CNTRL: variants seen among roughly 807,000 people sequenced by gnomAD.
The protein encoded by CNTRL is centriolin.
Under a neutral mutation model 303.7 loss-of-function variants are expected in CNTRL, and 233 were observed. That is an observed-to-expected ratio of 0.77 (90% confidence interval 0.69 to 0.86). CNTRL has a LOEUF of 0.86. CNTRL is among the 40% of genes least tolerant of loss of function. The pLI is 0.00. For missense variants in CNTRL, 2,524 were observed against 2,650.6 expected (o/e 0.95, Z 1.05); for synonymous variants, 900 against 922.2 (o/e 0.98, Z 0.44).
intron 4 of CNTRL, among the ~76,000 whole-genome samples, chr9:121,091,933 G>A (rs1167928287): frequency 2.8e-5 from 4 of 141,428 alleles, no homozygotes; most frequent in African/African-American, 1.1e-4. Flanking sequence ...CTGTCATCTA[G>A]GCCGATGCCC....
At chr9:121,105,726 T>G (rs1457372896) in intron 7 of CNTRL, among the ~76,000 whole-genome samples, 1 of 152,118 alleles carries the variant, frequency 6.6e-6, no homozygotes, top group Non-Finnish European at 1.5e-5. Flanking sequence ...GTTGCTGAGA[T>G]ATGAAGTGAG....
chr9:121,136,456 C>T lies in CNTRL; in HGVS notation c.2202+474C>T, dbSNP rs138894412. Among the ~76,000 whole-genome samples, 44 of 152,060 alleles carry T rather than the reference C, an allele frequency of 2.9e-4. No homozygotes were observed. The East Asian group carries it at 6.6e-3, about 23-fold the overall frequency. ...TCCTGAGTAGCTGGGACTACAGGTG[C>T]GCGCCACCATGCCTGGCCAATTTTT... On this transcript the variant is annotated intron_variant, in intron 15 of 43. Coordinates refer to ENST00000373855, the MANE Select transcript of CNTRL (RefSeq NM_007018.6).
chr9:121,161,594 C>A (rs1354541209), intron 32 of CNTRL: 1 of 419,480 alleles, frequency 2.4e-6, no homozygotes, highest in African/African-American at 2.0e-5. Flanking sequence ...GCAGTCCTTA[C>A]ACCTCAGCCT....
intron 7 of CNTRL, among the ~76,000 whole-genome samples, chr9:121,103,911 C>A (rs922786477): frequency 5.3e-5 from 8 of 152,202 alleles, no homozygotes; most frequent in Non-Finnish European, 8.8e-5. Context: ...AATAGGAACA[C>A]TTTTACACTG....
At chr9:121,099,368 A>C (rs955692907) in intron 7 of CNTRL, among the ~76,000 whole-genome samples, 10 of 152,356 alleles carry the variant, frequency 6.6e-5, no homozygotes, top group African/African-American at 2.4e-4. Flanking sequence ...ACTAACAAAC[A>C]GAAAGGATAT....
At chr9:121,075,101 G>A (rs1350077194) in intron 1 of CNTRL, 34 bp downstream of exon 1, 1 of 374,192 alleles carries the variant, frequency 2.7e-6, no homozygotes, top group Non-Finnish European at 5.4e-6. Context: ...CCGTTCCCCG[G>A]CATCCGGCCC....
At chr9:121,140,865 C>T in intron 17 of CNTRL, 79 bp downstream of exon 17, 1 of 1,381,146 alleles carries the variant, frequency 7.2e-7, no homozygotes, top group Non-Finnish European at 9.7e-7. Flanking sequence ...CAATGATAAA[C>T]TCACCTTTCT....
chr9:121,100,293 A>G (rs542536852), intron 7 of CNTRL, among the ~76,000 whole-genome samples: 29 of 152,252 alleles, frequency 1.9e-4, no homozygotes, highest in Non-Finnish European at 3.2e-4. Context: ...CCAGAATCTC[A>G]TATCCAACCA....
intron 7 of CNTRL, among the ~76,000 whole-genome samples, chr9:121,102,383 T>C (rs543626529): frequency 2.0e-5 from 3 of 152,200 alleles, no homozygotes; most frequent in African/African-American, 7.2e-5. Flanking sequence ...AATTAGGTAT[T>C]GATGGGATGT....
At position 121,158,882 on chromosome 9, in the gene CNTRL, G is replaced by C; in HGVS notation, c.4792G>C (p.Val1598Leu). 1.2e-6 allele frequency: 2 copies of C among 1,614,108 alleles called. No individual in the cohort carries two copies. Among genetic ancestry groups the C allele is most frequent in the Non-Finnish European group, 1.7e-6 (2 of 1,180,002 alleles). ...GACAAGTCAGCAGCAGGAGATGGCTGTCTTGGACAGGCAGTTAGGGCATAA... is the reference window on the plus strand; with the variant it reads ...GACAAGTCAGCAGCAGGAGATGGCTCTCTTGGACAGGCAGTTAGGGCATAA... ...QVTSQQQEMA[V>L]LDRQLGHKKE... Residue 1598 changes from valine to leucine, a missense_variant, in exon 31 of 44, where the codon GTC becomes CTC. Physicochemically the swap from Val to Leu is conservative, Grantham distance 32. Coordinates refer to ENST00000373855, the MANE Select transcript of CNTRL (RefSeq NM_007018.6).
intron 8 of CNTRL, among the ~76,000 whole-genome samples, chr9:121,110,482 C>T (rs1353768514): frequency 6.6e-6 from 1 of 152,092 alleles, no homozygotes; most frequent in Non-Finnish European, 1.5e-5. Context: ...TTTAACTCTC[C>T]AAGTGACGGT....
chr9:121,177,334 T>A lies in CNTRL; in HGVS notation c.*148T>A. 1.5e-6 allele frequency: 1 copy of A among 658,540 alleles called. No individual in the cohort carries two copies. Among genetic ancestry groups the A allele is most frequent in the Non-Finnish European group, 2.6e-6 (1 of 378,152 alleles). 40.8% of individuals were successfully genotyped at this position (658,540 alleles called of 1,614,324 possible). On this transcript the variant is annotated 3_prime_UTR_variant, in exon 44 of 44. Coordinates refer to ENST00000373855, the MANE Select transcript of CNTRL (RefSeq NM_007018.6). Reference sequence around the variant, plus strand: ...CTGTAGTTTACTTTGCCTGTACCATTAATGCCAATGTTTTTATAAATCACT... The same window carrying A: ...CTGTAGTTTACTTTGCCTGTACCATAAATGCCAATGTTTTTATAAATCACT...
At position 121,113,708 on chromosome 9, in the gene CNTRL, A is replaced by G. The variant is rs761941553; in HGVS notation, c.1329A>G (p.Glu443=). 3 of 1,534,344 alleles carry G rather than the reference A, an allele frequency of 2.0e-6. No individual in the cohort carries two copies. Among genetic ancestry groups the G allele is most frequent in the Non-Finnish European group, 2.6e-6 (3 of 1,148,032 alleles). ...TPLDTQLEDK[E]KKISAAQTRL... is the part of the protein sequence containing the mutation. ...TGGACACGCAACTGGAAGACAAAGA[A>G]AAAAAAATAAGTGCAGGTTAAAAAA... The change falls in exon 10 of 44, where the codon GAA becomes GAG. Residue 443 remains glutamate, a synonymous_variant. Transcript: ENST00000373855.
chr9:121,114,585 AGAGG>A (rs914800639), intron 10 of CNTRL, among the ~76,000 whole-genome samples: 3 of 152,208 alleles, frequency 2.0e-5, no homozygotes, highest in Non-Finnish European at 2.9e-5. Flanking sequence ...TTTATAGGAC[AGAGG>A]GAGAGAGAAA....
chr9:121,125,684 A>G (rs1274541428), intron 13 of CNTRL, 32 bp from the exon 14 acceptor site: 1 of 1,568,152 alleles, frequency 6.4e-7, no homozygotes, highest in Non-Finnish European at 8.8e-7. Context: ...CTTTAAAAAG[A>G]TATATTATTA....
Position 121,141,393 on chromosome 9 carries a change from T to C in CNTRL, c.2496T>C (p.Pro832=). Residue 832 remains proline, a synonymous_variant, in exon 18 of 44, where the codon CCT becomes CCC. Coordinates refer to ENST00000373855, the MANE Select transcript of CNTRL (RefSeq NM_007018.6). ...LGTGEMNIHS[P]SDVLGKSLAD... ...CCCTCCTTACTAGCATCCATAGTCCTTCAGATGTCTTAGGGAAAAGTCTTG... is the reference window on the plus strand; with the variant it reads ...CCCTCCTTACTAGCATCCATAGTCCCTCAGATGTCTTAGGGAAAAGTCTTG... 6.2e-7 allele frequency: 1 copy of C among 1,613,244 alleles called. No homozygotes were observed. Among genetic ancestry groups the C allele is most frequent in the South Asian group, 1.1e-5 (1 of 91,062 alleles).
Position 121,113,645 on chromosome 9 carries a change from T to A in CNTRL, c.1266T>A (p.Leu422=). The A allele has an allele frequency of 6.2e-7, 1 of 1,607,086 alleles. No individual in the cohort carries two copies. The highest frequency in any genetic ancestry group is 8.5e-7 in the Non-Finnish European group (1 of 1,177,692). The change falls in exon 10 of 44, where the codon CTT becomes CTA. Residue 422 remains leucine, a synonymous_variant. Coordinates refer to ENST00000373855, the MANE Select transcript of CNTRL (RefSeq NM_007018.6). ...QIKKMEPDEQ[L]RNDHMNLRGH... is the part of the protein sequence containing the mutation. ...AGAAGATGGAGCCAGATGAACAACT[T>A]AGAAATGATCACATGAACTTGAGAG...
intron 15 of CNTRL, 32 bp from the exon 16 acceptor site, chr9:121,138,513 C>T (rs1217121463): frequency 6.3e-7 from 1 of 1,597,818 alleles, no homozygotes; most frequent in East Asian, 2.2e-5. Flanking sequence ...TGCTGTTTTA[C>T]ACTTTCATGT....
chr9:121,098,241 C>G, intron 6 of CNTRL, 145 bp from the exon 7 acceptor site: 1 of 619,722 alleles, frequency 1.6e-6, no homozygotes, highest in Non-Finnish European at 2.8e-6. Context: ...CTCATATACT[C>G]CCTTTCCTGA....
Sources: gnomAD v4.1 joint callset for allele counts (sites outside exome capture counted in the v4.1 genomes callset) on GRCh38, gnomAD v4.1.1 for gene constraint, MANE v1.5 for transcripts, NCBI Gene and HGNC (gene_info 2026-07-23, HGNC 2026-07-21) for gene names.